The following SLF2 variants were observed in gnomAD, a reference collection of about 807,000 sequenced individuals.
The protein encoded by SLF2 is SMC5-SMC6 complex localization factor protein 2.
In SLF2, 68 loss-of-function variants were observed where a neutral mutation model predicts 124.3. The observed-to-expected ratio is 0.55, with a 90% CI of 0.45 to 0.67. The LOEUF is 0.67. Among genes scored for constraint, SLF2 ranks in the 30% least tolerant of loss-of-function variants. The pLI, the probability that SLF2 is intolerant of heterozygous loss-of-function variation, is 0.00. For missense variants in SLF2, 1,246 were observed against 1,373.7 expected, an observed-to-expected ratio of 0.91 and a Z score of 1.47; for synonymous variants, 480 against 478.8, an observed-to-expected ratio of 1.00 and a Z score of -0.03.
At chr10:100,943,110 G>GC (rs1451132627) in intron 11 of SLF2, among the ~76,000 whole-genome samples, 3 of 152,190 alleles carry the variant, frequency 2.0e-5, no homozygotes, top group Non-Finnish European at 4.4e-5. Context: ...CTGGCAACCA[G>GC]CCCCCATCCT....
chr10:100,936,042 G>A (rs1364873319), intron 9 of SLF2, among the ~76,000 whole-genome samples: 2 of 150,898 alleles, frequency 1.3e-5, no homozygotes, highest in Admixed American at 1.3e-4. Context: ...AAAATTTTTT[G>A]TAGAGGCGGG....
At chr10:100,958,397 A>G (rs562470768) in intron 18 of SLF2, among the ~76,000 whole-genome samples, 4 of 152,382 alleles carry the variant, frequency 2.6e-5, no homozygotes, top group African/African-American at 9.6e-5. Flanking sequence ...GTAGAACTCT[A>G]GTTTCAGAAG....
Position 100,943,275 on chromosome 10 carries a change from T to G in SLF2, c.2655-751T>G, listed in dbSNP as rs539976994. 5.0e-4 allele frequency among the ~76,000 whole-genome samples: 76 copies of G among 152,204 alleles called. 1 individual carries two copies. The highest frequency in any genetic ancestry group is 9.7e-4 in the Non-Finnish European group (66 of 68,028). ...GGACAAAGATCAAATGTATTTCTTC[T>G]TATACCACAGTGGGACATATATTCA... On this transcript the variant is annotated intron_variant, in intron 11 of 19. Coordinates refer to ENST00000238961, the MANE Select transcript of SLF2 (RefSeq NM_018121.4).
chr10:100,916,160 T>TA, intron 2 of SLF2, 118 bp downstream of exon 2: 1 of 719,892 alleles, frequency 1.4e-6, no homozygotes, highest in Non-Finnish European at 2.3e-6. Flanking sequence ...AAATTGAAAA[T>TA]AAAATGAAGA....
rs1260764725 is a variant in SLF2 at position 100,964,911 on chromosome 10, ATGGTTATTCC to A, written c.*3001_*3010del. Reference sequence around the variant, plus strand: ...GCACGTAGAGCAGTTAGCATGATCCATGGTTATTCCTTACTCATGAACAGTGTCGGCGCAC... The same window carrying A: ...GCACGTAGAGCAGTTAGCATGATCCATTACTCATGAACAGTGTCGGCGCAC... On this transcript the variant is annotated 3_prime_UTR_variant, in exon 20 of 20. Coordinates refer to ENST00000238961, the MANE Select transcript of SLF2 (RefSeq NM_018121.4). 2 of 152,436 alleles carry A rather than the reference ATGGTTATTCC, an allele frequency of 1.3e-5. No homozygotes were observed. Among genetic ancestry groups the A allele is most frequent in the African/African-American group, 4.8e-5 (2 of 41,434 alleles). 9.4% of individuals were successfully genotyped at this position (152,436 alleles called of 1,614,324 possible).
At chr10:100,926,358 C>A (rs1279642546) in intron 6 of SLF2, 142 of 1,294,600 alleles carry the variant, frequency 1.1e-4, no homozygotes, top group Non-Finnish European at 1.4e-4. Flanking sequence ...TAATCCAGTA[C>A]TTTAGGAGGC....
At chr10:100,957,964 C>T (rs1209725496) in intron 18 of SLF2, among the ~76,000 whole-genome samples, 1 of 151,942 alleles carries the variant, frequency 6.6e-6, no homozygotes, top group African/African-American at 2.4e-5. Flanking sequence ...AAGGAGAATC[C>T]CTTGAACCCA....
chr10:100,954,026 G>A (rs775566127), intron 17 of SLF2, among the ~76,000 whole-genome samples: 1 of 151,950 alleles, frequency 6.6e-6, no homozygotes, highest in Non-Finnish European at 1.5e-5. Flanking sequence ...GTAGGCCGAG[G>A]CATGCAGATC....
Position 100,963,900 on chromosome 10 carries a change from T to A in SLF2, c.*1988T>A, listed in dbSNP as rs1452271132. 6.6e-6 allele frequency: 1 copy of A among 152,598 alleles called. No homozygotes were observed. The highest frequency in any genetic ancestry group is 6.5e-5 in the Admixed American group (1 of 15,274). The allele number at this position is 152,598 out of a possible 1,614,324, so 9.5% of individuals were successfully genotyped here. A position where few individuals can be genotyped will look rare whatever the true frequency, so the allele number is the denominator to read the frequency against. ...TTCCAATAAGAAAAAAATCTCTATTTTTAATTATATTTCTCCTTTAGAAAA... is the reference window on the plus strand; with the variant it reads ...TTCCAATAAGAAAAAAATCTCTATTATTAATTATATTTCTCCTTTAGAAAA... On this transcript the variant is annotated 3_prime_UTR_variant, in exon 20 of 20. Transcript: ENST00000238961.
chr10:100,925,000 A>G lies in SLF2; in HGVS notation c.1971+28A>G. Reference sequence around the variant, plus strand: ...AAGTAGTTCTGTGACGTTTATCTTTACTTGAAGAGGGAAAGATGATTAATT... The same window carrying G: ...AAGTAGTTCTGTGACGTTTATCTTTGCTTGAAGAGGGAAAGATGATTAATT... On this transcript the variant is annotated intron_variant, in intron 5 of 19. Coordinates refer to ENST00000238961, the MANE Select transcript of SLF2 (RefSeq NM_018121.4). 2 of 1,561,636 alleles carry G rather than the reference A, an allele frequency of 1.3e-6. 1 individual carries two copies. Among genetic ancestry groups the G allele is most frequent in the Non-Finnish European group, 1.7e-6 (2 of 1,156,114 alleles).
intron 18 of SLF2, among the ~76,000 whole-genome samples, chr10:100,958,931 C>T (rs376966219): frequency 1.3e-5 from 2 of 152,238 alleles, no homozygotes; most frequent in Admixed American, 6.5e-5. Flanking sequence ...TACTTGGGCA[C>T]AAGCATGGAG....
chr10:100,949,070 G>C (rs557349095), intron 15 of SLF2, among the ~76,000 whole-genome samples: 3 of 152,316 alleles, frequency 2.0e-5, no homozygotes, highest in African/African-American at 7.2e-5. Flanking sequence ...GGGTTAGTGT[G>C]GTAAGAACAG....
rs1354547653 is a variant in SLF2 at position 100,917,138 on chromosome 10, G to A, written c.753G>A (p.Arg251=). 4 of 1,614,144 alleles carry A rather than the reference G, an allele frequency of 2.5e-6. No individual in the cohort carries two copies. Among genetic ancestry groups the A allele is most frequent in the Admixed American group, 1.7e-5 (1 of 60,018 alleles). Residue 251 remains arginine (R), a synonymous_variant, in exon 3 of 20, where the codon AGG becomes AGA. Transcript: ENST00000238961. The part of the protein sequence containing the change: ...ASYCRERELK[R]LRKEQMEQRI... ...ACTGCAGAGAACGAGAACTAAAGAG[G>A]TTGAGAAAGGAGCAAATGGAGCAGA... is the stretch of plus-strand genomic sequence containing the variant.
Position 100,964,051 on chromosome 10 carries a change from A to T in SLF2, c.*2139A>T, listed in dbSNP as rs753291686. On this transcript the variant is annotated 3_prime_UTR_variant, in exon 20 of 20. Transcript: ENST00000238961. ...AGTCAGTATTTGCATTTGGGTTCTC[A>T]TGAAAACTTTGTGACTCTCTTTTAG... 6.6e-6 allele frequency: 1 copy of T among 152,584 alleles called. No homozygotes were observed. The highest frequency in any genetic ancestry group is 1.9e-4 in the East Asian group (1 of 5,208). The allele number at this position is 152,584 out of a possible 1,614,324, so 9.5% of individuals were successfully genotyped here.
chr10:100,913,583 G>A (rs957991826), intron 1 of SLF2: 46 of 1,183,088 alleles, frequency 3.9e-5, no homozygotes, highest in Non-Finnish European at 4.6e-5. Context: ...ATCGTTTTCT[G>A]TACGTTGTCA....
Position 100,916,877 on chromosome 10 carries a change from AAAG to A in SLF2, c.495_497del (p.Lys167del). The A allele has an allele frequency of 6.2e-7, 1 of 1,614,212 alleles. No homozygotes were observed. Among genetic ancestry groups the A allele is most frequent in the Non-Finnish European group, 8.5e-7 (1 of 1,180,044 alleles). On this transcript the variant is annotated inframe_deletion, in exon 3 of 20. Coordinates refer to ENST00000238961, the MANE Select transcript of SLF2 (RefSeq NM_018121.4). Reference sequence around the variant, plus strand: ...ACTTGCCAAAGGAGATGAAGTCACTAAAGAAAAAACATCGATCCCCAGAGAGAA... The same window carrying A: ...ACTTGCCAAAGGAGATGAAGTCACTAAAAAAACATCGATCCCCAGAGAGAA...
At position 100,938,667 on chromosome 10, in the gene SLF2, T is replaced by C; in HGVS notation, c.2585T>C (p.Met862Thr). 3.1e-6 allele frequency: 5 copies of C among 1,613,870 alleles called. No homozygotes were observed. The highest frequency in any genetic ancestry group is 4.2e-6 in the Non-Finnish European group (5 of 1,179,916). The change falls in exon 11 of 20, where the codon ATG becomes ACG. Residue 862 changes from methionine to threonine, a missense_variant. Transcript: ENST00000238961. ...GATGTAGCAGCTGTGTTTTTCAATA[T>C]GGGGATTGATTTTAGATCTTTGTTT... The part of the protein sequence containing the change: ...LSDVAAVFFN[M>T]GIDFRSLFPL...
chr10:100,934,650 T>A (rs982364398), intron 9 of SLF2, among the ~76,000 whole-genome samples: 1 of 152,032 alleles, frequency 6.6e-6, no homozygotes, highest in African/African-American at 2.4e-5. Flanking sequence ...TCTCTCTTGG[T>A]CTCTCAGGCT....
chr10:100,960,897 C>T (rs552186288), intron 19 of SLF2, among the ~76,000 whole-genome samples: 17 of 147,846 alleles, frequency 1.1e-4, no homozygotes, highest in East Asian at 4.2e-4. Context: ...TCTAAAATGA[C>T]GCTTCTCAAA....
Sources: allele counts gnomAD v4.1 joint callset (sites outside exome capture counted in the v4.1 genomes callset), GRCh38; gene constraint gnomAD v4.1.1; transcripts MANE v1.5; gene names NCBI Gene and HGNC (gene_info 2026-07-23, HGNC 2026-07-21).